The following POLN variants were observed in gnomAD, a reference collection of about 807,000 sequenced individuals.
POLN encodes DNA polymerase nu, also known as DNA polymerase N.
Under a neutral mutation model 113.5 loss-of-function variants are expected in POLN, and 108 were observed. That is an observed-to-expected ratio of 0.95 (90% CI 0.81 to 1.12). The LOEUF (loss-of-function observed/expected upper bound fraction) is 1.12, where lower values mean the gene tolerates loss of function less well. Ranked by LOEUF, POLN falls within the 50% of genes most tolerant of loss-of-function variation. The pLI is 0.00. For synonymous variants in POLN, 386 were observed against 391.5 expected, an observed-to-expected ratio of 0.99 and a Z score of 0.17; for missense variants, 1,097 against 1,077.1, an observed-to-expected ratio of 1.02 and a Z score of -0.26.
intron 13 of POLN, among the ~76,000 whole-genome samples, chr4:2,163,100 T>TG (rs1343297482): frequency 3.3e-5 from 5 of 150,426 alleles, no homozygotes; most frequent in African/African-American, 9.8e-5. Flanking sequence ...TAAATCCACT[T>TG]GGGGGAGAAC....
At position 2,081,032 on chromosome 4, in the gene POLN, G is replaced by A. The variant is rs762395543; in HGVS notation, c.2313C>T (p.Ser771=). Residue 771 remains serine, a synonymous_variant, in exon 23 of 26, where the codon TCC becomes TCT. Transcript: ENST00000511885. ...TGGCCAGCTTGCAGAGGTCAGCAGC[G>A]GAGCCTATGGGGCGCGTGGTACTGT... ...RQAVNFVVQG[S]AADLCKLAMI... is the part of the protein sequence containing the mutation. 45 of 1,613,546 alleles carry A rather than the reference G, an allele frequency of 2.8e-5. No individual in the cohort carries two copies. The East Asian group carries it at 3.1e-4, about 11-fold the overall frequency.
At chr4:2,202,584 C>T (rs1334794540) in intron 5 of POLN, among the ~76,000 whole-genome samples, 4 of 151,780 alleles carry the variant, frequency 2.6e-5, no homozygotes, top group African/African-American at 7.3e-5. Context: ...ATTAGTCAGG[C>T]GTGGTGGCTT....
intron 20 of POLN, chr4:2,089,433 A>T (rs1730617674): frequency 7.1e-7 from 1 of 1,404,332 alleles, no homozygotes; most frequent in Non-Finnish European, 9.7e-7. Context: ...GGTCAGACAA[A>T]GTAAAGCACT....
chr4:2,072,861 C>T (rs995320567), intron 25 of POLN, 107 bp downstream of exon 25: 11 of 1,236,988 alleles, frequency 8.9e-6, no homozygotes, highest in Non-Finnish European at 1.3e-5. Flanking sequence ...GAGTGGCCAT[C>T]TCGGGGCTGG....
At chr4:2,183,665 G>C (rs574586095) in intron 7 of POLN, among the ~76,000 whole-genome samples, 19 of 152,196 alleles carry the variant, frequency 1.2e-4, no homozygotes, top group Admixed American at 2.6e-4. Flanking sequence ...TCTGAGAAAG[G>C]GGGGATGGGG....
intron 23 of POLN, among the ~76,000 whole-genome samples, chr4:2,077,462 G>A (rs1360686868): frequency 4.6e-5 from 7 of 152,198 alleles, no homozygotes; most frequent in Non-Finnish European, 1.0e-4. Flanking sequence ...AGGGGGAGGT[G>A]GGCCTGTGCT....
chr4:2,128,733 CTTG>C (rs2108724681), intron 18 of POLN, among the ~76,000 whole-genome samples: 1 of 152,260 alleles, frequency 6.6e-6, no homozygotes, highest in Non-Finnish European at 1.5e-5. Context: ...GCAAGAAAAA[CTTG>C]TTATTATGTA....
intron 19 of POLN, among the ~76,000 whole-genome samples, chr4:2,107,277 T>A (rs1002518911): frequency 2.6e-5 from 4 of 152,222 alleles, no homozygotes; most frequent in Non-Finnish European, 4.4e-5. Context: ...TCATACCATC[T>A]TCACCAAATG....
At chr4:2,080,879 G>A in intron 23 of POLN, 79 bp downstream of exon 23, 1 of 1,607,762 alleles carries the variant, frequency 6.2e-7, no homozygotes, top group Non-Finnish European at 8.5e-7. Context: ...GTGATCATCA[G>A]AATCACGAGC....
chr4:2,190,684 G>A (rs1187549367), intron 7 of POLN, among the ~76,000 whole-genome samples: 1 of 151,870 alleles, frequency 6.6e-6, no homozygotes, highest in Non-Finnish European at 1.5e-5. Flanking sequence ...TCAATAGGGG[G>A]AAAACATGAT....
intron 2 of POLN, among the ~76,000 whole-genome samples, chr4:2,233,453 T>G (rs1734654576): frequency 6.6e-6 from 1 of 152,166 alleles, no homozygotes; most frequent in Non-Finnish European, 1.5e-5. Context: ...TTTTCACATT[T>G]TAACATATCT....
intron 3 of POLN, among the ~76,000 whole-genome samples, chr4:2,224,966 G>A (rs1354609167): frequency 6.6e-6 from 1 of 151,722 alleles, no homozygotes; most frequent in African/African-American, 2.4e-5. Flanking sequence ...AAAAAAAAAT[G>A]TAATGCATTG....
chr4:2,216,674 T>C (rs1734119693), intron 3 of POLN, among the ~76,000 whole-genome samples: 1 of 152,228 alleles, frequency 6.6e-6, no homozygotes, highest in Non-Finnish European at 1.5e-5. Context: ...ACTGAATCCA[T>C]GAGAATGGGA....
chr4:2,207,957 C>T (rs753157718), intron 5 of POLN, 30 bp downstream of exon 5: 2 of 1,550,962 alleles, frequency 1.3e-6, no homozygotes, highest in Non-Finnish European at 8.7e-7. Context: ...GGTGTCAAGA[C>T]AGCAAATAAA....
At chr4:2,171,708 G>T (rs192270774) in intron 11 of POLN, among the ~76,000 whole-genome samples, 42 of 152,194 alleles carry the variant, frequency 2.8e-4, no homozygotes, top group African/African-American at 9.9e-4. Context: ...GGGAGGCCGA[G>T]GCAGGTGGGT....
chr4:2,173,168 G>T (rs997094698), intron 11 of POLN, among the ~76,000 whole-genome samples: 6 of 152,176 alleles, frequency 3.9e-5, no homozygotes, highest in Non-Finnish European at 1.5e-5. Flanking sequence ...CAGCAAGAAA[G>T]GGGTTCTGAT....
chr4:2,178,387 A>G (rs1004693638), intron 8 of POLN, among the ~76,000 whole-genome samples: 2 of 152,208 alleles, frequency 1.3e-5, no homozygotes, highest in African/African-American at 4.8e-5. Flanking sequence ...TGATTTTACC[A>G]TGTAACTGTT....
At position 2,072,133 on chromosome 4, in the gene POLN, G is replaced by A. The variant is rs181257729; in HGVS notation, c.2684C>T (p.Ser895Leu). 4.9e-5 allele frequency: 79 copies of A among 1,599,496 alleles called. No homozygotes were observed. In the East Asian group the frequency reaches 1.3e-3, roughly 25 times the overall value. ...CTGGGGCTACAGACAAAATGAAGGC[G>A]AAAAATGCAGGGGTGGGGGCTGGGT... ...ASTQPPPLHF[S>L]PSFCL The change falls in exon 26 of 26, where the codon TCG (serine) becomes TTG (leucine). Residue 895 changes from serine to leucine, a missense_variant. Ser to Leu is a moderately radical substitution (Grantham distance 145). Transcript: ENST00000511885.
Position 2,072,069 on chromosome 4 carries a change from A to G in POLN, c.*45T>C, listed in dbSNP as rs2108684593. The G allele has an allele frequency of 1.2e-6, 2 of 1,602,936 alleles. No homozygotes were observed. The highest frequency in any genetic ancestry group is 2.2e-5 in the East Asian group (1 of 44,792). On this transcript the variant is annotated 3_prime_UTR_variant, in exon 26 of 26. Transcript: ENST00000511885. ...TGGTGACCTTGGGGAAGGCCACACA[A>G]TGGACTGCTGGAAACCAGTTCTCTC...
Sources: gnomAD v4.1 joint callset for allele counts (sites outside exome capture counted in the v4.1 genomes callset) on GRCh38, gnomAD v4.1.1 for gene constraint, MANE v1.5 for transcripts, NCBI Gene and HGNC (gene_info 2026-07-23, HGNC 2026-07-21) for gene names.